LINGO2: variants seen among roughly 807,000 people sequenced by gnomAD.
The protein encoded by LINGO2 is leucine-rich repeat and immunoglobulin-like domain-containing nogo receptor-interacting protein 2.
A neutral mutation model predicts 30.6 loss-of-function variants in LINGO2; 14 were observed. The ratio of observed to expected loss-of-function variants is 0.46; its 90% CI spans 0.30 to 0.72. The LOEUF (loss-of-function observed/expected upper bound fraction) is 0.72. Ranked by LOEUF, LINGO2 falls within the 30% of genes least tolerant of loss-of-function variation. LINGO2 has a pLI of 0.07. For synonymous variants in LINGO2, 317 were observed against 288.5 expected (o/e 1.10, Z -1.00); for missense variants, 729 against 751.7 (o/e 0.97, Z 0.35).
intron 1 of LINGO2, among the ~76,000 whole-genome samples, chr9:28,654,766 C>A (rs1037394108): frequency 1.3e-5 from 2 of 152,042 alleles, no homozygotes; most frequent in Non-Finnish European, 2.9e-5. Context: ...CACAGCTTTA[C>A]CACTGTCAGT....
chr9:28,723,023 T>C, the LINGO2 span, among the ~76,000 whole-genome samples: 1 of 151,944 alleles, frequency 6.6e-6, no homozygotes, highest in Non-Finnish European at 1.5e-5. Context: ...TACCCCAGAG[T>C]CTCTGGTGGC....
intron 2 of LINGO2, among the ~76,000 whole-genome samples, chr9:28,452,240 T>C (rs993526478): frequency 1.3e-5 from 2 of 151,408 alleles, no homozygotes; most frequent in African/African-American, 4.8e-5. Flanking sequence ...CAAATTTTAC[T>C]GAGTGCACAG....
intron 1 of LINGO2, among the ~76,000 whole-genome samples, chr9:28,621,789 T>C (rs62555325): frequency 0.087 from 13,162 of 152,064 alleles, 640 homozygotes; most frequent in Middle Eastern, 0.11. Context: ...CATATGAAAG[T>C]TATGTTTACA....
At chr9:28,303,362 G>C (rs1403965172) in intron 3 of LINGO2, among the ~76,000 whole-genome samples, 1 of 152,136 alleles carries the variant, frequency 6.6e-6, no homozygotes, top group Admixed American at 6.6e-5. Context: ...GGGAATGAGA[G>C]GGGCTTGGAT....
At chr9:28,038,692 C>CAAA (rs35216202) in intron 4 of LINGO2, among the ~76,000 whole-genome samples, 51 of 118,854 alleles carry the variant, frequency 4.3e-4, no homozygotes, top group South Asian at 1.6e-3. Context: ...GACTCCGTCT[C>CAAA]AAAAAAAAAA....
At chr9:29,086,093 T>C in the LINGO2 span, among the ~76,000 whole-genome samples, 1 of 151,968 alleles carries the variant, frequency 6.6e-6, no homozygotes, top group Non-Finnish European at 1.5e-5. Context: ...AATTAGACCA[T>C]AGGGAGAGCA....
At chr9:28,373,647 C>A (rs747169683) in intron 2 of LINGO2, among the ~76,000 whole-genome samples, 3 of 152,048 alleles carry the variant, frequency 2.0e-5, no homozygotes, top group Non-Finnish European at 4.4e-5. Flanking sequence ...TGCCTGTAAT[C>A]CGAGCACTTT....
chr9:28,142,990 A>T (rs1827717064), intron 4 of LINGO2, among the ~76,000 whole-genome samples: 1 of 152,156 alleles, frequency 6.6e-6, no homozygotes, highest in African/African-American at 2.4e-5. Context: ...CTATATCAGT[A>T]GATTTCAATC....
chr9:28,240,232 C>T (rs754916427), intron 4 of LINGO2, among the ~76,000 whole-genome samples: 17 of 151,848 alleles, frequency 1.1e-4, no homozygotes, highest in Non-Finnish European at 2.1e-4. Context: ...CAACACAATC[C>T]CTATAAAAAT....
intron 1 of LINGO2, among the ~76,000 whole-genome samples, chr9:28,543,540 A>C (rs1347329791): frequency 6.6e-6 from 1 of 152,096 alleles, no homozygotes; most frequent in East Asian, 1.9e-4. Flanking sequence ...GGACTGCCTC[A>C]GAATTTTTAT....
intron 4 of LINGO2, among the ~76,000 whole-genome samples, chr9:28,163,390 T>C (rs1442429012): frequency 6.6e-6 from 1 of 152,130 alleles, no homozygotes; most frequent in African/African-American, 2.4e-5. Context: ...TTGAAAGCAA[T>C]GTAATGTGAA....
chr9:28,409,733 T>G (rs1053153599), intron 2 of LINGO2, among the ~76,000 whole-genome samples: 1 of 151,800 alleles, frequency 6.6e-6, no homozygotes, highest in African/African-American at 2.4e-5. Flanking sequence ...TCTGGTGCAG[T>G]TACTCTTCTC....
At chr9:28,488,408 T>C (rs1826258525) in intron 1 of LINGO2, among the ~76,000 whole-genome samples, 1 of 152,090 alleles carries the variant, frequency 6.6e-6, no homozygotes, top group African/African-American at 2.4e-5. Context: ...TATAAATAGA[T>C]CCAACTTCTT....
chr9:28,435,321 A>G (rs1320085290), intron 2 of LINGO2, among the ~76,000 whole-genome samples: 1 of 152,204 alleles, frequency 6.6e-6, no homozygotes, highest in Non-Finnish European at 1.5e-5. Context: ...TAATGTTGTT[A>G]TCTAAGAATC....
the LINGO2 span, among the ~76,000 whole-genome samples, chr9:29,176,429 T>C: frequency 1.3e-5 from 2 of 152,172 alleles, no homozygotes; most frequent in Non-Finnish European, 2.9e-5. Context: ...TCCCCTTCCT[T>C]TGACTTTGTT....
intron 4 of LINGO2, among the ~76,000 whole-genome samples, chr9:28,084,207 T>A (rs1825846990): frequency 6.6e-6 from 1 of 152,174 alleles, no homozygotes; most frequent in African/African-American, 2.4e-5. Flanking sequence ...GGTGTTTCAT[T>A]GTTTTAAAAG....
intron 2 of LINGO2, among the ~76,000 whole-genome samples, chr9:28,457,623 G>C (rs545051865): frequency 6.6e-6 from 1 of 151,820 alleles, no homozygotes; most frequent in Non-Finnish European, 1.5e-5. Context: ...TAAGAGATGG[G>C]GTCTCATTAT....
chr9:28,745,585 T>G, the LINGO2 span, among the ~76,000 whole-genome samples: 4 of 152,230 alleles, frequency 2.6e-5, no homozygotes, highest in Non-Finnish European at 5.9e-5. Flanking sequence ...TTGTTTTGCT[T>G]ACTTCATCAT....
intron 3 of LINGO2, among the ~76,000 whole-genome samples, chr9:28,361,423 G>GACT (rs1820438606): frequency 6.6e-6 from 1 of 152,162 alleles, no homozygotes; most frequent in Non-Finnish European, 1.5e-5. Context: ...GACAACGGGA[G>GACT]ACTACTGTAT....
Sources: allele counts gnomAD v4.1 joint callset (sites outside exome capture counted in the v4.1 genomes callset), GRCh38; gene constraint gnomAD v4.1.1; transcripts MANE v1.5; gene names NCBI Gene and HGNC (gene_info 2026-07-23, HGNC 2026-07-21).